ASIC2: variants seen among roughly 807,000 people sequenced by gnomAD.
ASIC2 encodes acid sensing ion channel subunit 2.
A neutral mutation model predicts 57.3 loss-of-function variants in ASIC2; 25 were observed. That is an observed-to-expected ratio of 0.44 (90% confidence interval 0.32 to 0.61). ASIC2 has a LOEUF of 0.61. ASIC2 is among the 20% of genes least tolerant of loss of function. The pLI, the probability that ASIC2 is intolerant of heterozygous loss-of-function variation, is 0.06. For missense variants in ASIC2, 641 were observed against 738.1 expected (o/e 0.87, Z 1.52); for synonymous variants, 319 against 307.5 (o/e 1.04, Z -0.39).
chr17:34,095,616 T>TATAC (rs1910494617), intron 1 of ASIC2, among the ~76,000 whole-genome samples: 1 of 81,706 alleles, frequency 1.2e-5, no homozygotes, highest in African/African-American at 9.9e-5. Context: ...TTTATATATA[T>TATAC]ATATATATAT....
chr17:33,031,056 A>G (rs931579127), intron 3 of ASIC2, among the ~76,000 whole-genome samples: 13 of 152,150 alleles, frequency 8.5e-5, no homozygotes, highest in African/African-American at 2.6e-4. Context: ...CTCTTTCTCA[A>G]TTTTTTGAAT....
chr17:33,941,474 G>A (rs1916190985), intron 1 of ASIC2, among the ~76,000 whole-genome samples: 2 of 152,182 alleles, frequency 1.3e-5, no homozygotes, highest in Admixed American at 6.5e-5. Flanking sequence ...GAGCCCAGGT[G>A]GCTCATCCCA....
intron 1 of ASIC2, among the ~76,000 whole-genome samples, chr17:34,027,456 A>G (rs915997768): frequency 6.6e-6 from 1 of 151,866 alleles, no homozygotes; most frequent in African/African-American, 2.4e-5. Flanking sequence ...TTTAGTTGCC[A>G]CCTCTTTGAA....
chr17:33,167,942 A>G (rs1357298551), intron 1 of ASIC2, among the ~76,000 whole-genome samples: 4 of 152,258 alleles, frequency 2.6e-5, no homozygotes, highest in Non-Finnish European at 4.4e-5. Flanking sequence ...TGCCTTTGGA[A>G]CAATATTAAG....
chr17:33,850,658 TAG>T (rs1256580723), intron 1 of ASIC2, among the ~76,000 whole-genome samples: 5 of 152,316 alleles, frequency 3.3e-5, no homozygotes, highest in African/African-American at 1.2e-4. Flanking sequence ...ACACATATAA[TAG>T]AGTCATATTT....
intron 1 of ASIC2, among the ~76,000 whole-genome samples, chr17:33,747,397 T>C (rs978877761): frequency 2.2e-4 from 33 of 151,954 alleles, no homozygotes; most frequent in Admixed American, 8.5e-4. Flanking sequence ...CTAATTTTTG[T>C]ATTTTTGGTA....
intron 1 of ASIC2, among the ~76,000 whole-genome samples, chr17:33,627,439 G>T (rs923142003): frequency 1.3e-5 from 2 of 152,198 alleles, no homozygotes; most frequent in African/African-American, 4.8e-5. Context: ...GCCTGCAGGC[G>T]TACAGAGGCA....
At chr17:33,112,258 T>C (rs2092261536) in intron 1 of ASIC2, 191 bp from the exon 2 acceptor site, 2 of 716,912 alleles carry the variant, frequency 2.8e-6, no homozygotes, top group East Asian at 3.0e-5. Context: ...AATTTTGGCA[T>C]CAAAGAGCAA....
chr17:33,812,565 C>T (rs1307892184), intron 1 of ASIC2, among the ~76,000 whole-genome samples: 3 of 152,006 alleles, frequency 2.0e-5, no homozygotes, highest in African/African-American at 7.2e-5. Flanking sequence ...ATTGCTCCAG[C>T]CCAGGGCAGG....
At chr17:33,226,518 G>A (rs546178185) in intron 1 of ASIC2, among the ~76,000 whole-genome samples, 1 of 152,292 alleles carries the variant, frequency 6.6e-6, no homozygotes, top group Non-Finnish European at 1.5e-5. Flanking sequence ...AAGCCAGCAA[G>A]GAAAAGAGGT....
At chr17:33,151,537 C>T (rs1024709938) in intron 1 of ASIC2, among the ~76,000 whole-genome samples, 4 of 152,176 alleles carry the variant, frequency 2.6e-5, no homozygotes, top group African/African-American at 9.7e-5. Context: ...TCGTTGGAAA[C>T]TTAATCCCCA....
intron 1 of ASIC2, among the ~76,000 whole-genome samples, chr17:33,150,859 A>C: frequency 1.4e-5 from 1 of 69,434 alleles, no homozygotes; most frequent in Non-Finnish European, 2.9e-5. Context: ...CAAAAAAAAA[A>C]AAAAAAAAAA....
intron 1 of ASIC2, among the ~76,000 whole-genome samples, chr17:33,718,211 G>A (rs1567697269): frequency 6.6e-6 from 1 of 152,158 alleles, no homozygotes; most frequent in Non-Finnish European, 1.5e-5. Flanking sequence ...TAAATGCTAT[G>A]TAAATGGTTG....
intron 1 of ASIC2, among the ~76,000 whole-genome samples, chr17:33,815,856 A>G (rs1912563704): frequency 6.6e-6 from 1 of 152,108 alleles, no homozygotes; most frequent in Non-Finnish European, 1.5e-5. Flanking sequence ...GGGAAGTGAT[A>G]CCGGTTATTT....
intron 1 of ASIC2, among the ~76,000 whole-genome samples, chr17:33,652,513 G>A (rs970585871): frequency 6.6e-6 from 1 of 152,198 alleles, no homozygotes; most frequent in Non-Finnish European, 1.5e-5. Context: ...GGAAGTTGAG[G>A]TGCAGACTGT....
chr17:33,325,640 C>T (rs1283729104), intron 1 of ASIC2, among the ~76,000 whole-genome samples: 3 of 151,880 alleles, frequency 2.0e-5, no homozygotes, highest in Non-Finnish European at 4.4e-5. Context: ...ATAATGGTAC[C>T]CTTATACTTG....
rs72050716 is a variant in ASIC2, at chr17:33,906,011, ATT to A, written c.555+249965_555+249966del. Among the ~76,000 whole-genome samples, 316 of 132,550 alleles carry A rather than the reference ATT, an allele frequency of 2.4e-3. 2 individuals are homozygous for A. The highest frequency in any genetic ancestry group is 6.0e-3 in the Admixed American group (76 of 12,706). 87.0% of individuals were successfully genotyped at this position (132,550 alleles called of 152,430 possible). On this transcript the variant is annotated intron_variant, in intron 1 of 9. Transcript: ENST00000359872. ...CAGCTAATATTTTAATTTTAATTAAATTTTTTTTTTTTTTTTTTGTAGAGACA... is the reference window on the plus strand; with the variant it reads ...CAGCTAATATTTTAATTTTAATTAAATTTTTTTTTTTTTTTTGTAGAGACA...
At chr17:33,504,416 G>A (rs766535964) in intron 1 of ASIC2, among the ~76,000 whole-genome samples, 2 of 152,186 alleles carry the variant, frequency 1.3e-5, no homozygotes, top group African/African-American at 2.4e-5. Context: ...TCAGTTCACT[G>A]CAACCTCCAC....
chr17:33,204,835 C>T (rs1207860903), intron 1 of ASIC2, among the ~76,000 whole-genome samples: 3 of 152,160 alleles, frequency 2.0e-5, no homozygotes, highest in African/African-American at 7.2e-5. Flanking sequence ...TAGCAGCCAT[C>T]ATGAAGAGAC....
Sources: allele counts gnomAD v4.1 joint callset (sites outside exome capture counted in the v4.1 genomes callset), GRCh38; gene constraint gnomAD v4.1.1; transcripts MANE v1.5; gene names NCBI Gene and HGNC (gene_info 2026-07-23, HGNC 2026-07-21).